Variants in LUZP2 observed in about 807,000 individuals in gnomAD.
LUZP2 encodes the protein leucine zipper protein 2.
Under a neutral mutation model 51.6 loss-of-function variants are expected in LUZP2, and 52 were observed. The observed-to-expected ratio is 1.01, with a 90% CI of 0.81 to 1.27. The LOEUF is 1.27. LUZP2 is among the 50% of genes most tolerant of loss of function. The pLI is 0.00. For missense variants in LUZP2, 436 were observed against 395.4 expected (o/e 1.10, Z -0.87); for synonymous variants, 154 against 137.3 (o/e 1.12, Z -0.85).
intron 5 of LUZP2, among the ~76,000 whole-genome samples, chr11:24,819,416 C>T (rs1001088016): frequency 5.9e-5 from 9 of 152,028 alleles, no homozygotes. Flanking sequence ...GAGTGAACAG[C>T]TACTTGTAGC....
intron 5 of LUZP2, among the ~76,000 whole-genome samples, chr11:24,814,394 A>G (rs1200706446): frequency 6.6e-6 from 1 of 152,180 alleles, no homozygotes; most frequent in East Asian, 1.9e-4. Context: ...AGAGAGAGAT[A>G]AAAGAGAAGT....
Position 25,081,064 on chromosome 11 carries a change from G to C in LUZP2, c.*2406G>C, listed in dbSNP as rs2013245. 8.2e-6 allele frequency: 1 copy of C among 121,268 alleles called. No homozygotes were observed. The highest frequency in any genetic ancestry group is 3.4e-5 in the African/African-American group (1 of 29,642). 7.5% of individuals were successfully genotyped at this position (121,268 alleles called of 1,614,324 possible). A position where few individuals can be genotyped will look rare whatever the true frequency, so the allele number is the denominator to read the frequency against. On this transcript the variant is annotated 3_prime_UTR_variant, in exon 12 of 12. Transcript: ENST00000336930. ...TTTTTTTTTTTTGAGATGAAATCTCGCTCTTGTTGCCCAGGCTGGAGTGCA... is the reference window on the plus strand; with the variant it reads ...TTTTTTTTTTTTGAGATGAAATCTCCCTCTTGTTGCCCAGGCTGGAGTGCA...
At chr11:24,788,893 G>A (rs1415538203) in intron 5 of LUZP2, among the ~76,000 whole-genome samples, 1 of 151,992 alleles carries the variant, frequency 6.6e-6, no homozygotes, top group African/African-American at 2.4e-5. Flanking sequence ...ATTATGAAGG[G>A]CAATCTCTTT....
At chr11:24,918,234 C>G (rs180783701) in intron 7 of LUZP2, among the ~76,000 whole-genome samples, 22 of 152,046 alleles carry the variant, frequency 1.4e-4, no homozygotes, top group Admixed American at 3.3e-4. Context: ...GGAGATTTTG[C>G]GCTGAGACGA....
chr11:24,901,103 A>T (rs1480223081), intron 5 of LUZP2, among the ~76,000 whole-genome samples: 5 of 152,160 alleles, frequency 3.3e-5, no homozygotes, highest in Non-Finnish European at 7.4e-5. Context: ...AACTGCAGGG[A>T]TTTCTTGCCT....
intron 1 of LUZP2, among the ~76,000 whole-genome samples, chr11:24,568,089 G>T (rs181991808): frequency 1.1e-4 from 17 of 152,246 alleles, no homozygotes; most frequent in Admixed American, 7.9e-4. Context: ...ATTCCAAAAT[G>T]CGAATAGTTT....
intron 4 of LUZP2, among the ~76,000 whole-genome samples, chr11:24,755,703 T>C (rs1053690342): frequency 8.5e-5 from 13 of 152,126 alleles, no homozygotes; most frequent in Non-Finnish European, 1.8e-4. Context: ...TAGACACAAC[T>C]GACTAACATT....
At chr11:24,762,902 G>A in intron 4 of LUZP2, 1 of 734,414 alleles carries the variant, frequency 1.4e-6, no homozygotes, top group Non-Finnish European at 1.7e-6. Context: ...AGATTCCTAG[G>A]TTCAACTCTA....
At chr11:24,887,552 A>G (rs1852710184) in intron 5 of LUZP2, among the ~76,000 whole-genome samples, 1 of 152,166 alleles carries the variant, frequency 6.6e-6, no homozygotes, top group African/African-American at 2.4e-5. Context: ...CCTGTAAGTT[A>G]TTATCTCTGG....
intron 10 of LUZP2, among the ~76,000 whole-genome samples, chr11:25,050,461 C>T (rs1402652401): frequency 3.3e-5 from 5 of 151,716 alleles, no homozygotes; most frequent in Non-Finnish European, 5.9e-5. Context: ...CCCGCCACCG[C>T]GCTCGGCTAA....
intron 1 of LUZP2, among the ~76,000 whole-genome samples, chr11:24,715,968 A>C (rs2133941083): frequency 6.6e-6 from 1 of 152,262 alleles, no homozygotes; most frequent in South Asian, 2.1e-4. Context: ...TGGAAAAATT[A>C]CTTAAATTAT....
intron 1 of LUZP2, among the ~76,000 whole-genome samples, chr11:24,541,724 C>T (rs771515236): frequency 3.2e-4 from 49 of 152,156 alleles, no homozygotes; most frequent in Non-Finnish European, 6.2e-4. Context: ...TATTCAAATG[C>T]TGCCTTATGC....
chr11:24,826,130 C>T (rs186267388), intron 5 of LUZP2, among the ~76,000 whole-genome samples: 2 of 141,976 alleles, frequency 1.4e-5, no homozygotes, highest in Non-Finnish European at 3.0e-5. Flanking sequence ...GAGCCGAGAT[C>T]GCGCCACTGC....
At chr11:24,826,699 A>C (rs1427152396) in intron 5 of LUZP2, among the ~76,000 whole-genome samples, 1 of 152,150 alleles carries the variant, frequency 6.6e-6, no homozygotes, top group African/African-American at 2.4e-5. Context: ...AAATGTCTAG[A>C]GTTTCACTGA....
At chr11:24,714,934 G>A (rs1257362799) in intron 1 of LUZP2, among the ~76,000 whole-genome samples, 1 of 152,118 alleles carries the variant, frequency 6.6e-6, no homozygotes, top group Admixed American at 6.6e-5. Context: ...AGAGCCTAGA[G>A]AGTCTACAGA....
chr11:24,585,297 C>A (rs906883), intron 1 of LUZP2, among the ~76,000 whole-genome samples: 25,261 of 152,142 alleles, frequency 0.17, 2,569 homozygotes, highest in Middle Eastern at 0.33. Context: ...TGAAAAAGTT[C>A]TCAAGCATAC....
intron 5 of LUZP2, among the ~76,000 whole-genome samples, chr11:24,788,072 G>A (rs1436512622): frequency 1.3e-5 from 2 of 150,906 alleles, no homozygotes; most frequent in African/African-American, 2.4e-5. Context: ...TTCATTATCA[G>A]TAATCTTAAG....
At chr11:24,633,966 A>G (rs542951932) in intron 1 of LUZP2, among the ~76,000 whole-genome samples, 3,102 of 135,348 alleles carry the variant, frequency 0.023, 70 homozygotes, top group African/African-American at 0.056. Flanking sequence ...GTGTGTGTGT[A>G]TATATAGTCT....
intron 5 of LUZP2, among the ~76,000 whole-genome samples, chr11:24,830,790 C>T (rs1483042626): frequency 4.0e-5 from 6 of 151,756 alleles, no homozygotes; most frequent in East Asian, 2.0e-4. Context: ...GTCAGGAGAT[C>T]GAGACCATCC....
Sources: gnomAD v4.1 joint callset for allele counts (sites outside exome capture counted in the v4.1 genomes callset) on GRCh38, gnomAD v4.1.1 for gene constraint, MANE v1.5 for transcripts, NCBI Gene and HGNC (gene_info 2026-07-23, HGNC 2026-07-21) for gene names.